Variants in CTNNA3 observed in about 807,000 individuals in gnomAD.
CTNNA3 encodes catenin alpha 3.
A neutral mutation model predicts 95.7 loss-of-function variants in CTNNA3; 76 were observed. That is an observed-to-expected ratio of 0.79 (90% CI 0.66 to 0.96). CTNNA3 has a LOEUF of 0.96. Among genes scored for constraint, CTNNA3 ranks in the 40% least tolerant of loss-of-function variants. The pLI is 0.00. For synonymous variants in CTNNA3, 431 were observed against 374.4 expected (o/e 1.15, Z -1.74); for missense variants, 1,191 against 1,089.8 (o/e 1.09, Z -1.31).
chr10:66,446,668 C>T (rs11510880), intron 11 of CTNNA3, among the ~76,000 whole-genome samples: 21,297 of 152,030 alleles, frequency 0.14, 2,114 homozygotes, highest in Non-Finnish European at 0.21. Context: ...ATTGATGGGA[C>T]GTATCTAAAA....
chr10:67,455,447 G>A (rs935210276), intron 5 of CTNNA3, among the ~76,000 whole-genome samples: 2 of 152,100 alleles, frequency 1.3e-5, no homozygotes, highest in Admixed American at 6.6e-5. Context: ...CTTGAGTGTG[G>A]ACTGCATTAG....
intron 7 of CTNNA3, among the ~76,000 whole-genome samples, chr10:67,174,824 T>C (rs1218143553): frequency 1.3e-5 from 2 of 152,116 alleles, no homozygotes; most frequent in African/African-American, 4.8e-5. Context: ...CTCTAATCAA[T>C]CTGACCTTGG....
intron 7 of CTNNA3, among the ~76,000 whole-genome samples, chr10:66,787,807 T>G (rs1840809277): frequency 6.6e-6 from 1 of 152,224 alleles, no homozygotes; most frequent in Admixed American, 6.5e-5. Flanking sequence ...AATGCAGATT[T>G]AGTGAGTGAT....
chr10:66,714,635 G>A lies in CTNNA3; in HGVS notation c.1281+51629C>T, dbSNP rs79303391. On this transcript the variant is annotated intron_variant, in intron 9 of 17. Coordinates refer to ENST00000433211, the MANE Select transcript of CTNNA3 (RefSeq NM_013266.4). Reference sequence around the variant, plus strand: ...CAGTGCTTCTTAAAGTATGGTTCCCGTATCAGCAGCATCACATCACTCAGG... The same window carrying A: ...CAGTGCTTCTTAAAGTATGGTTCCCATATCAGCAGCATCACATCACTCAGG... Among the ~76,000 whole-genome samples the A allele has an allele frequency of 7.4e-3, 1,121 of 152,126 alleles. 17 individuals are homozygous for A. The highest frequency in any genetic ancestry group is 0.026 in the African/African-American group (1,087 of 41,510).
chr10:67,579,064 G>C (rs1169924785), intron 3 of CTNNA3, among the ~76,000 whole-genome samples: 1 of 138,396 alleles, frequency 7.2e-6, no homozygotes, highest in Non-Finnish European at 1.6e-5. Flanking sequence ...TATATATACA[G>C]TTGTTATACT....
chr10:67,022,556 T>C (rs1853090937), intron 7 of CTNNA3, among the ~76,000 whole-genome samples: 1 of 152,144 alleles, frequency 6.6e-6, no homozygotes, highest in African/African-American at 2.4e-5. Flanking sequence ...TTCAAAAAAG[T>C]GAATTTAGTA....
chr10:67,439,706 C>T (rs536418663), intron 5 of CTNNA3, among the ~76,000 whole-genome samples: 158 of 152,124 alleles, frequency 1.0e-3, no homozygotes, highest in Admixed American at 1.9e-3. Context: ...TCCTGGGCAA[C>T]ATTTCTCAAC....
chr10:67,042,382 G>C (rs1854450523), intron 7 of CTNNA3, among the ~76,000 whole-genome samples: 1 of 152,088 alleles, frequency 6.6e-6, no homozygotes, highest in East Asian at 1.9e-4. Flanking sequence ...TTCTGGTTTG[G>C]ATAAGCAGTT....
At chr10:66,312,554 GTT>G (rs36125139) in intron 12 of CTNNA3, among the ~76,000 whole-genome samples, 11 of 145,804 alleles carry the variant, frequency 7.5e-5, no homozygotes, top group South Asian at 2.2e-4. Flanking sequence ...ATTGCAGATT[GTT>G]TTTTTTTTTT....
At chr10:67,715,599 G>A (rs11814109) in intron 1 of CTNNA3, among the ~76,000 whole-genome samples, 2,540 of 152,142 alleles carry the variant, frequency 0.017, 73 homozygotes, top group African/African-American at 0.058. Context: ...TCTATGTTAC[G>A]GTGTGATGAT....
chr10:66,498,736 T>G (rs1840180550), intron 11 of CTNNA3, among the ~76,000 whole-genome samples: 1 of 152,178 alleles, frequency 6.6e-6, no homozygotes, highest in South Asian at 2.1e-4. Context: ...ATTACACAGC[T>G]AGAAGAAGCC....
chr10:66,887,850 G>C (rs185137638), intron 7 of CTNNA3, among the ~76,000 whole-genome samples: 9 of 152,244 alleles, frequency 5.9e-5, no homozygotes, highest in Non-Finnish European at 1.2e-4. Flanking sequence ...TTGCAGATTT[G>C]AGGACAGGAA....
intron 11 of CTNNA3, among the ~76,000 whole-genome samples, chr10:66,385,103 G>A (rs1032456517): frequency 6.6e-6 from 1 of 152,136 alleles, no homozygotes; most frequent in Non-Finnish European, 1.5e-5. Context: ...GAGCAGACCT[G>A]AAAGAGATAG....
intron 9 of CTNNA3, among the ~76,000 whole-genome samples, chr10:66,691,079 T>A (rs1168518306): frequency 6.6e-6 from 1 of 152,170 alleles, no homozygotes; most frequent in African/African-American, 2.4e-5. Context: ...ACCAGGTTCA[T>A]CTCACTAGGG....
At chr10:66,692,717 G>C (rs941140749) in intron 9 of CTNNA3, among the ~76,000 whole-genome samples, 8 of 152,118 alleles carry the variant, frequency 5.3e-5, no homozygotes, top group African/African-American at 1.9e-4. Flanking sequence ...AGAGAGAAAG[G>C]TCGGGTTACC....
chr10:66,801,936 A>G, intron 7 of CTNNA3, among the ~76,000 whole-genome samples: 1 of 151,918 alleles, frequency 6.6e-6, no homozygotes, highest in Middle Eastern at 3.4e-3. Flanking sequence ...TAATCCAGAA[A>G]GAGATTCATA....
intron 11 of CTNNA3, among the ~76,000 whole-genome samples, chr10:66,380,420 G>T (rs2092828372): frequency 2.6e-5 from 4 of 151,914 alleles, no homozygotes; most frequent in South Asian, 4.2e-4. Context: ...GACCAGCCTG[G>T]AAAACACAGC....
chr10:65,961,027 C>T lies in CTNNA3; in HGVS notation c.2400+5585G>A, dbSNP rs972196442. Among the ~76,000 whole-genome samples, 5 of 152,044 alleles carry T rather than the reference C, an allele frequency of 3.3e-5. No homozygotes were observed. The South Asian group carries it at 6.2e-4, about 19-fold the overall frequency. ...TTCTAACATCACATTCTCTCATTTGCTTGACTTTATTCCATCAGTTGTAGT... is the reference window on the plus strand; with the variant it reads ...TTCTAACATCACATTCTCTCATTTGTTTGACTTTATTCCATCAGTTGTAGT... On this transcript the variant is annotated intron_variant, in intron 17 of 17. Coordinates refer to ENST00000433211, the MANE Select transcript of CTNNA3 (RefSeq NM_013266.4).
chr10:67,505,643 A>G (rs1489702767), intron 5 of CTNNA3, among the ~76,000 whole-genome samples: 1 of 152,190 alleles, frequency 6.6e-6, no homozygotes. Context: ...TATTCTAAAC[A>G]TTTTCATCCA....
Sources: allele counts gnomAD v4.1 joint callset (sites outside exome capture counted in the v4.1 genomes callset), GRCh38; gene constraint gnomAD v4.1.1; transcripts MANE v1.5; gene names NCBI Gene and HGNC (gene_info 2026-07-23, HGNC 2026-07-21).